The following MROH1 variants were observed in gnomAD, a reference collection of about 807,000 sequenced individuals.
MROH1 encodes maestro heat like repeat family member 1.
MROH1 carries 117 observed loss-of-function variants against 116.5 expected under a neutral mutation model. The observed-to-expected ratio is 1.00, with a 90% CI of 0.86 to 1.17. The LOEUF (loss-of-function observed/expected upper bound fraction) is 1.17, where lower values mean the gene tolerates loss of function less well. Among genes scored for constraint, MROH1 ranks in the 50% most tolerant of loss-of-function variants. The pLI is 0.00. For missense variants in MROH1, 1,873 were observed against 1,338.5 expected, an observed-to-expected ratio of 1.40 and a Z score of -6.23; for synonymous variants, 921 against 583.9, an observed-to-expected ratio of 1.58 and a Z score of -8.32.
At chr8:144,195,195 T>TAAAAAA (rs561902621) in intron 10 of MROH1, among the ~76,000 whole-genome samples, 174 of 11,672 alleles carry the variant, frequency 0.015, 40 homozygotes, top group African/African-American at 0.039. Flanking sequence ...ACTGTGTCTT[T>TAAAAAA]AAAAAAAAAA....
At chr8:144,175,402 T>A in intron 4 of MROH1, 5 of 764,872 alleles carry the variant, frequency 6.5e-6, no homozygotes, top group Non-Finnish European at 8.0e-6. Context: ...CCACTTGCTG[T>A]ACCCAAGCTG....
At chr8:144,235,823 A>G (rs1389132953) in intron 14 of MROH1, among the ~76,000 whole-genome samples, 1 of 152,262 alleles carries the variant, frequency 6.6e-6, no homozygotes, top group Non-Finnish European at 1.5e-5. Context: ...TAATCTGTAC[A>G]CACACATATA....
chr8:144,223,132 A>T lies in MROH1; in HGVS notation c.1240A>T (p.Ile414Phe). 6.2e-7 allele frequency: 1 copy of T among 1,613,188 alleles called. No homozygotes were observed. The highest frequency in any genetic ancestry group is 8.5e-7 in the Non-Finnish European group (1 of 1,179,636). ...GGTGAAGCGGGCAGTGGTGCAGGTG[A>T]TTAGCGCCATGGCCCACCACGGCTA... ...SKVKRAVVQV[I>F]SAMAHHGYLE... The change falls in exon 14 of 44, where the codon ATT becomes TTT. Residue 414 changes from isoleucine (I) to phenylalanine (F), a missense_variant. By Grantham distance (21) the Ile-to-Phe change is conservative. Coordinates refer to ENST00000326134, the MANE Select transcript of MROH1 (RefSeq NM_032450.3).
intron 31 of MROH1, 73 bp downstream of exon 31, chr8:144,247,752 C>T: frequency 1.4e-6 from 1 of 703,822 alleles, no homozygotes; most frequent in Non-Finnish European, 2.6e-6. Flanking sequence ...TCCGAGGTGG[C>T]ACCTGGCCTC....
At chr8:144,175,644 C>A in intron 4 of MROH1, 2 of 585,764 alleles carry the variant, frequency 3.4e-6, no homozygotes, top group Non-Finnish European at 4.3e-6. Context: ...AAACAATAGG[C>A]TGGGTGCCAG....
chr8:144,207,176 T>G (rs1442274954), intron 12 of MROH1, among the ~76,000 whole-genome samples: 2 of 150,086 alleles, frequency 1.3e-5, no homozygotes, highest in Admixed American at 6.6e-5. Flanking sequence ...GTCTTTTTTT[T>G]GGGGGGTGGG....
chr8:144,155,964 C>A (rs922784316), intron 1 of MROH1, among the ~76,000 whole-genome samples: 1 of 148,532 alleles, frequency 6.7e-6, no homozygotes, highest in Non-Finnish European at 1.5e-5. Flanking sequence ...TGAGGCCGGG[C>A]GCGGTGGCTC....
intron 33 of MROH1, chr8:144,251,856 C>G (rs1458492811): frequency 1.2e-5 from 2 of 166,404 alleles, no homozygotes; most frequent in African/African-American, 4.8e-5. Flanking sequence ...CTGACCGCCA[C>G]CACTAGAGGT....
At chr8:144,153,259 C>G (rs1053692548) in intron 1 of MROH1, among the ~76,000 whole-genome samples, 2 of 151,656 alleles carry the variant, frequency 1.3e-5, no homozygotes, top group Non-Finnish European at 2.9e-5. Flanking sequence ...TGTAATGGCT[C>G]GATCTCGGCT....
intron 14 of MROH1, among the ~76,000 whole-genome samples, chr8:144,229,191 A>G (rs1217823455): frequency 2.0e-5 from 3 of 152,172 alleles, no homozygotes; most frequent in Admixed American, 6.5e-5. Context: ...AAAGTTATCC[A>G]TGAGGTTTGG....
chr8:144,240,698 C>G, intron 20 of MROH1, 21 bp downstream of exon 20: 2 of 714,104 alleles, frequency 2.8e-6, no homozygotes, highest in South Asian at 3.0e-5. Flanking sequence ...TGCTGGCGTT[C>G]TTGGTGTGGT....
intron 7 of MROH1, among the ~76,000 whole-genome samples, chr8:144,190,015 A>G (rs916000507): frequency 2.0e-5 from 3 of 152,150 alleles, no homozygotes; most frequent in Admixed American, 1.3e-4. Context: ...TGTTGGCAGG[A>G]TTGGTTCCTT....
chr8:144,255,432 G>A (rs1020885168), intron 34 of MROH1, 77 bp from the exon 35 acceptor site: 1 of 735,626 alleles, frequency 1.4e-6, no homozygotes, highest in Non-Finnish European at 2.5e-6. Context: ...GAAGGGGGAT[G>A]CAGTCTCATT....
chr8:144,159,842 A>G (rs1269975813), intron 1 of MROH1, among the ~76,000 whole-genome samples: 3 of 141,068 alleles, frequency 2.1e-5, no homozygotes, highest in African/African-American at 8.0e-5. Flanking sequence ...ATCTTGGCTC[A>G]CTGCAAGCTC....
At chr8:144,229,285 A>G (rs1838380725) in intron 14 of MROH1, among the ~76,000 whole-genome samples, 1 of 152,072 alleles carries the variant, frequency 6.6e-6, no homozygotes, top group African/African-American at 2.4e-5. Context: ...GGTATCTACT[A>G]TAGTGAATCC....
chr8:144,236,539 A>G lies in MROH1; in HGVS notation c.1339-2217A>G, dbSNP rs890181273. ...GTGGATCACTTGAAGTCGGGAGTTC[A>G]AGACCAGCCTGGCCAACATGGTGAA... On this transcript the variant is annotated intron_variant, in intron 14 of 43. Coordinates refer to ENST00000326134, the MANE Select transcript of MROH1 (RefSeq NM_032450.3). Among the ~76,000 whole-genome samples, 22 of 152,056 alleles carry G rather than the reference A, an allele frequency of 1.4e-4. No individual in the cohort carries two copies. In the East Asian group the frequency reaches 3.1e-3, roughly 22 times the overall value.
At chr8:144,204,724 A>T (rs1472534093) in intron 12 of MROH1, among the ~76,000 whole-genome samples, 1 of 152,310 alleles carries the variant, frequency 6.6e-6, no homozygotes, top group South Asian at 2.1e-4. Flanking sequence ...CATATAGTAC[A>T]GCTTATTTAT....
rs970187238 is a variant in MROH1 at position 144,241,507 on chromosome 8, A to G, written c.2168A>G (p.Asn723Ser). ...TTCAGAAAATCCATTGGCATTCTCA[A>G]CATTTTTAAGGTTAGGGTGACACCG... ...EVFRKSIGIL[N>S]IFKDRSENEV... is the part of the protein sequence containing the mutation. Residue 723 changes from asparagine to serine, a missense_variant, in exon 22 of 44, where the codon AAC becomes AGC. Asn to Ser is a conservative substitution (Grantham distance 46). Coordinates refer to ENST00000326134, the MANE Select transcript of MROH1 (RefSeq NM_032450.3). 1.3e-4 allele frequency: 104 copies of G among 778,584 alleles called. No individual in the cohort carries two copies. The African/African-American group carries it at 1.6e-3, about 12-fold the overall frequency. 48.2% of individuals were successfully genotyped at this position (778,584 alleles called of 1,614,324 possible).
chr8:144,200,980 C>T (rs1564460524), intron 12 of MROH1: 1 of 155,464 alleles, frequency 6.4e-6, no homozygotes, highest in Admixed American at 6.3e-5. Flanking sequence ...CCAATTGTTT[C>T]GTAGAATGTC....
Sources: gnomAD v4.1 joint callset for allele counts (sites outside exome capture counted in the v4.1 genomes callset) on GRCh38, gnomAD v4.1.1 for gene constraint, MANE v1.5 for transcripts, NCBI Gene and HGNC (gene_info 2026-07-23, HGNC 2026-07-21) for gene names.